The following TRPC4 variants were observed in gnomAD, a reference collection of about 807,000 sequenced individuals.
TRPC4 encodes transient receptor potential cation channel subfamily C member 4.
Under a neutral mutation model 99.4 loss-of-function variants are expected in TRPC4, and 49 were observed. That is an observed-to-expected ratio of 0.49 (90% CI 0.39 to 0.63). The LOEUF is 0.63. Among genes scored for constraint, TRPC4 ranks in the 20% least tolerant of loss-of-function variants. TRPC4 has a pLI of 0.00. For synonymous variants in TRPC4, 454 were observed against 425.9 expected, an observed-to-expected ratio of 1.07 and a Z score of -0.81; for missense variants, 898 against 1,152.9, an observed-to-expected ratio of 0.78 and a Z score of 3.20.
chr13:37,781,266 A>C (rs1169121561), intron 2 of TRPC4, among the ~76,000 whole-genome samples: 1 of 152,138 alleles, frequency 6.6e-6, no homozygotes, highest in East Asian at 1.9e-4. Flanking sequence ...TTCATTCTAT[A>C]GTCTTGCTGC....
intron 3 of TRPC4, among the ~76,000 whole-genome samples, chr13:37,727,611 C>T (rs1166671289): frequency 1.3e-5 from 2 of 151,814 alleles, no homozygotes; most frequent in Non-Finnish European, 2.9e-5. Context: ...ATCAATGAGA[C>T]CAAAAAGCTG....
intron 4 of TRPC4, among the ~76,000 whole-genome samples, chr13:37,684,957 C>T (rs1270399286): frequency 6.6e-6 from 1 of 152,014 alleles, no homozygotes; most frequent in Admixed American, 6.6e-5. Context: ...CTTATTCTTT[C>T]TTTCTTGGAA....
At chr13:37,708,568 G>T (rs762311482) in intron 3 of TRPC4, among the ~76,000 whole-genome samples, 1 of 151,502 alleles carries the variant, frequency 6.6e-6, no homozygotes, top group East Asian at 1.9e-4. Flanking sequence ...TTCCCTGATC[G>T]CAAAGGAATT....
At chr13:37,771,674 T>C (rs1294004558) in intron 2 of TRPC4, among the ~76,000 whole-genome samples, 1 of 151,562 alleles carries the variant, frequency 6.6e-6, no homozygotes, top group Non-Finnish European at 1.5e-5. Flanking sequence ...AAATTAATAA[T>C]AGACCATCAG....
In TRPC4 at chr13:37,842,368, AAAGG is replaced by A. The variant is rs780635845; in HGVS notation, c.-28+27223_-28+27226del. Among the ~76,000 whole-genome samples the A allele has an allele frequency of 4.4e-3, 609 of 139,060 alleles. 56 individuals carry two copies. The highest frequency in any genetic ancestry group is 0.015 in the African/African-American group (545 of 35,918). 91.2% of individuals were successfully genotyped at this position (139,060 alleles called of 152,430 possible). A position where few individuals can be genotyped will look rare whatever the true frequency, so the allele number is the denominator to read the frequency against. ...CAAAAAAAAAAAAAAAAAAAAAAAA[AAAGG>A]AAAAGGAAAAGTATAAATCGGGGGC... is the stretch of plus-strand genomic sequence containing the variant. On this transcript the variant is annotated intron_variant, in intron 1 of 10. Coordinates refer to ENST00000379705, the MANE Select transcript of TRPC4 (RefSeq NM_016179.4).
chr13:37,710,687 A>G (rs1292423623), intron 3 of TRPC4, among the ~76,000 whole-genome samples: 1 of 151,890 alleles, frequency 6.6e-6, no homozygotes, highest in Non-Finnish European at 1.5e-5. Flanking sequence ...TTTGTCCCTT[A>G]TTCTGTTCAA....
intron 5 of TRPC4, among the ~76,000 whole-genome samples, chr13:37,672,552 GAGA>G (rs1952887851): frequency 6.6e-6 from 1 of 152,268 alleles, no homozygotes; most frequent in East Asian, 1.9e-4. Context: ...TTAGAAATTT[GAGA>G]AGAACTGGTA....
chr13:37,750,052 T>C (rs899538262), intron 2 of TRPC4, among the ~76,000 whole-genome samples: 1 of 152,142 alleles, frequency 6.6e-6, no homozygotes, highest in Non-Finnish European at 1.5e-5. Flanking sequence ...TAAGTAACTT[T>C]CACACACTTT....
chr13:37,855,305 A>G (rs1959159638), intron 1 of TRPC4, among the ~76,000 whole-genome samples: 1 of 148,678 alleles, frequency 6.7e-6, no homozygotes, highest in East Asian at 2.0e-4. Flanking sequence ...AGATATATAT[A>G]TATATATACA....
chr13:37,816,516 C>A (rs1366747763), intron 1 of TRPC4, among the ~76,000 whole-genome samples: 1 of 152,064 alleles, frequency 6.6e-6, no homozygotes, highest in Non-Finnish European at 1.5e-5. Context: ...AGACTCCTCC[C>A]TAACTCATTC....
At chr13:37,857,879 C>T (rs570845765) in intron 1 of TRPC4, among the ~76,000 whole-genome samples, 12 of 151,686 alleles carry the variant, frequency 7.9e-5, no homozygotes, top group South Asian at 2.1e-4. Context: ...AGTAATACCC[C>T]GCAAGCATAG....
intron 4 of TRPC4, 115 bp downstream of exon 4, chr13:37,691,884 G>A: frequency 2.9e-6 from 3 of 1,042,576 alleles, no homozygotes; most frequent in Non-Finnish European, 4.1e-6. Context: ...AGCTACAATA[G>A]TCAGAACCTA....
intron 2 of TRPC4, among the ~76,000 whole-genome samples, chr13:37,755,574 C>T (rs1956077151): frequency 6.6e-6 from 1 of 151,708 alleles, no homozygotes; most frequent in African/African-American, 2.4e-5. Flanking sequence ...ACGCCTAGAT[C>T]ATATTTTTGT....
At chr13:37,781,509 T>A (rs368877906) in intron 2 of TRPC4, among the ~76,000 whole-genome samples, 2 of 152,116 alleles carry the variant, frequency 1.3e-5, no homozygotes, top group African/African-American at 4.8e-5. Flanking sequence ...TGTATCTCCT[T>A]AGTGGTGAAA....
At chr13:37,796,090 A>G (rs745866690) in intron 1 of TRPC4, among the ~76,000 whole-genome samples, 11 of 152,178 alleles carry the variant, frequency 7.2e-5, no homozygotes, top group Non-Finnish European at 1.2e-4. Flanking sequence ...CAGGAGCAAG[A>G]GTTCTAGCAG....
intron 8 of TRPC4, among the ~76,000 whole-genome samples, chr13:37,647,602 A>G (rs977721627): frequency 6.6e-6 from 1 of 152,242 alleles, no homozygotes; most frequent in Non-Finnish European, 1.5e-5. Flanking sequence ...CTCTGTCTCT[A>G]AGAGAGCATG....
intron 3 of TRPC4, among the ~76,000 whole-genome samples, chr13:37,728,554 T>A (rs1302759302): frequency 6.6e-6 from 1 of 152,080 alleles, no homozygotes; most frequent in Non-Finnish European, 1.5e-5. Context: ...AATTGAAAGA[T>A]GTCCCACATT....
At chr13:37,793,520 T>G (rs567509660) in intron 1 of TRPC4, among the ~76,000 whole-genome samples, 1 of 144,280 alleles carries the variant, frequency 6.9e-6, no homozygotes, top group South Asian at 2.2e-4. Context: ...TTATTCAAAA[T>G]ACATATGACA....
chr13:37,857,714 G>T (rs568988598), intron 1 of TRPC4, among the ~76,000 whole-genome samples: 12 of 151,806 alleles, frequency 7.9e-5, no homozygotes, highest in Non-Finnish European at 1.6e-4. Flanking sequence ...ATATCCATAT[G>T]CAGAATAATG....
Sources: allele counts gnomAD v4.1 joint callset (sites outside exome capture counted in the v4.1 genomes callset), GRCh38; gene constraint gnomAD v4.1.1; transcripts MANE v1.5; gene names NCBI Gene and HGNC (gene_info 2026-07-23, HGNC 2026-07-21).